The following CRPPA variants were observed in gnomAD, a reference collection of about 807,000 sequenced individuals.
The protein encoded by CRPPA is CDP-L-ribitol pyrophosphorylase A.
CRPPA carries 43 observed loss-of-function variants against 52.0 expected under a neutral mutation model. That is an observed-to-expected ratio of 0.83 (90% confidence interval 0.65 to 1.07). The LOEUF is 1.07. Among genes scored for constraint, CRPPA ranks in the 50% least tolerant of loss-of-function variants. The probability of loss-of-function intolerance (pLI) is 0.00; values close to 1 mark genes in which losing one functional copy is unlikely to be tolerated. For synonymous variants in CRPPA, 250 were observed against 203.5 expected (o/e 1.23, Z -1.94); for missense variants, 629 against 551.7 (o/e 1.14, Z -1.40).
chr7:16,347,117 C>A (rs1786032618), intron 3 of CRPPA, among the ~76,000 whole-genome samples: 1 of 152,020 alleles, frequency 6.6e-6, no homozygotes, highest in African/African-American at 2.4e-5. Flanking sequence ...CTCATCCAAA[C>A]TTTCCACCAA....
At chr7:16,225,037 T>C (rs745600552) in intron 8 of CRPPA, among the ~76,000 whole-genome samples, 4 of 151,996 alleles carry the variant, frequency 2.6e-5, no homozygotes, top group Non-Finnish European at 4.4e-5. Context: ...CAAAACTAAA[T>C]GGAGAAATAA....
intron 3 of CRPPA, among the ~76,000 whole-genome samples, chr7:16,359,717 C>T (rs112470776): frequency 0.014 from 2,102 of 152,234 alleles, 14 homozygotes; most frequent in Non-Finnish European, 0.022. Flanking sequence ...AACAAAAATC[C>T]TTTGACAGTG....
intron 9 of CRPPA, among the ~76,000 whole-genome samples, chr7:16,155,607 G>A (rs1156616943): frequency 6.6e-6 from 1 of 152,076 alleles, no homozygotes; most frequent in Non-Finnish European, 1.5e-5. Flanking sequence ...TCTCTTCCTT[G>A]TGATTTTCTT....
intron 9 of CRPPA, among the ~76,000 whole-genome samples, chr7:16,138,719 T>C (rs565389406): frequency 5.3e-5 from 8 of 152,186 alleles, no homozygotes; most frequent in Non-Finnish European, 1.2e-4. Context: ...CTTTGACCAA[T>C]GGTAGAGAGT....
At chr7:16,236,912 T>C (rs543516032) in intron 8 of CRPPA, among the ~76,000 whole-genome samples, 9 of 151,836 alleles carry the variant, frequency 5.9e-5, no homozygotes, top group Non-Finnish European at 1.0e-4. Context: ...GAGTCTAACT[T>C]GCCTTTCAAA....
At chr7:16,217,299 A>G (rs1411533341) in intron 8 of CRPPA, among the ~76,000 whole-genome samples, 44 of 151,890 alleles carry the variant, frequency 2.9e-4, no homozygotes, top group African/African-American at 8.2e-4. Flanking sequence ...GTACATCACC[A>G]TCATCAAACA....
chr7:16,240,008 C>A (rs1477114698), intron 8 of CRPPA, among the ~76,000 whole-genome samples: 1 of 151,932 alleles, frequency 6.6e-6, no homozygotes, highest in Admixed American at 6.6e-5. Context: ...AGAATCATTT[C>A]TTTACACATC....
At chr7:16,169,435 C>T (rs543771520) in intron 9 of CRPPA, among the ~76,000 whole-genome samples, 2 of 152,266 alleles carry the variant, frequency 1.3e-5, no homozygotes, top group South Asian at 4.1e-4. Context: ...TAATCTAAAA[C>T]TGTGTGCCAG....
At chr7:16,352,441 G>T (rs1004232765) in intron 3 of CRPPA, among the ~76,000 whole-genome samples, 5 of 151,792 alleles carry the variant, frequency 3.3e-5, no homozygotes, top group African/African-American at 9.7e-5. Flanking sequence ...AAATAAATGT[G>T]CAAAGGACCT....
intron 3 of CRPPA, among the ~76,000 whole-genome samples, chr7:16,340,951 AC>A (rs1785810297): frequency 6.6e-6 from 1 of 152,188 alleles, no homozygotes; most frequent in South Asian, 2.1e-4. Context: ...CCATGCAAAA[AC>A]ATGGAGAAAC....
intron 9 of CRPPA, among the ~76,000 whole-genome samples, chr7:16,101,553 T>A (rs1310291538): frequency 1.3e-5 from 2 of 152,100 alleles, no homozygotes; most frequent in Non-Finnish European, 2.9e-5. Flanking sequence ...TCTTCTTTAT[T>A]ATTCTGGCTA....
At chr7:16,141,279 A>G (rs1562523498) in intron 9 of CRPPA, among the ~76,000 whole-genome samples, 1 of 152,342 alleles carries the variant, frequency 6.6e-6, no homozygotes, top group East Asian at 1.9e-4. Context: ...ACACCAATTT[A>G]TAAATAAATT....
intron 5 of CRPPA, among the ~76,000 whole-genome samples, chr7:16,294,590 G>C (rs1583498220): frequency 6.6e-6 from 1 of 152,002 alleles, no homozygotes; most frequent in East Asian, 1.9e-4. Context: ...AAAACATACA[G>C]TCACAGTATT....
chr7:16,274,355 C>A (rs1414769490), intron 6 of CRPPA, among the ~76,000 whole-genome samples: 1 of 152,094 alleles, frequency 6.6e-6, no homozygotes, highest in Non-Finnish European at 1.5e-5. Context: ...CCTGTTGTGG[C>A]TGTTTCTAAG....
chr7:16,310,793 C>G (rs981940175), intron 3 of CRPPA, among the ~76,000 whole-genome samples: 2 of 151,978 alleles, frequency 1.3e-5, no homozygotes, highest in Admixed American at 1.3e-4. Flanking sequence ...GCCCACTTAA[C>G]GAAAACTATC....
chr7:16,344,994 T>C (rs1785971580), intron 3 of CRPPA, among the ~76,000 whole-genome samples: 1 of 152,208 alleles, frequency 6.6e-6, no homozygotes, highest in African/African-American at 2.4e-5. Flanking sequence ...TTAATCTACA[T>C]ATCCAAGAAG....
At chr7:16,242,625 C>G (rs1424313418) in intron 8 of CRPPA, among the ~76,000 whole-genome samples, 2 of 152,100 alleles carry the variant, frequency 1.3e-5, no homozygotes, top group African/African-American at 2.4e-5. Flanking sequence ...TTAGAAAAAT[C>G]ACATATGAAA....
chr7:16,329,652 T>C (rs1315425974), intron 3 of CRPPA, among the ~76,000 whole-genome samples: 1 of 152,196 alleles, frequency 6.6e-6, no homozygotes, highest in Admixed American at 6.5e-5. Context: ...TTGCCTCTCA[T>C]CAGTAAATTG....
chr7:16,382,401 C>T lies in CRPPA; in HGVS notation c.535-6160G>A, dbSNP rs565154578. On this transcript the variant is annotated intron_variant, in intron 2 of 9. Coordinates refer to ENST00000407010, the MANE Select transcript of CRPPA (RefSeq NM_001101426.4). ...GGCTTCCCTTTGCGGGTAACCCAAC[C>T]TTTCTCTCTGGCTGCCCTTAACATT... Among the ~76,000 whole-genome samples the T allele has an allele frequency of 2.8e-4, 42 of 152,330 alleles. No homozygotes were observed. In the South Asian group the frequency reaches 8.7e-3, roughly 32 times the overall value.
Sources: gnomAD v4.1 joint callset for allele counts (sites outside exome capture counted in the v4.1 genomes callset) on GRCh38, gnomAD v4.1.1 for gene constraint, MANE v1.5 for transcripts, NCBI Gene and HGNC (gene_info 2026-07-23, HGNC 2026-07-21) for gene names.